P2RY8: variants seen among roughly 807,000 people sequenced by gnomAD.
P2RY8 encodes the protein S-geranylgeranyl-glutathione receptor P2RY8.
P2RY8 carries 6 observed loss-of-function variants against 10.0 expected under a neutral mutation model. The observed-to-expected ratio is 0.60, with a 90% CI of 0.33 to 1.19. P2RY8 has a LOEUF of 1.19. Ranked by LOEUF, P2RY8 falls within the 50% of genes most tolerant of loss-of-function variation. The pLI, the probability that P2RY8 is intolerant of heterozygous loss-of-function variation, is 0.04. For synonymous variants in P2RY8, 276 were observed against 252.5 expected, an observed-to-expected ratio of 1.09 and a Z score of -0.88; for missense variants, 456 against 542.0, an observed-to-expected ratio of 0.84 and a Z score of 1.58.
At chrX:1,520,651 T>C (rs775129849) in intron 1 of P2RY8, among the ~76,000 whole-genome samples, 1 of 151,678 alleles carries the variant, frequency 6.6e-6, no homozygotes, top group South Asian at 2.1e-4. Flanking sequence ...CTGATCCCAA[T>C]ATTCTCTCTG....
intron 1 of P2RY8, among the ~76,000 whole-genome samples, chrX:1,505,617 C>T (rs2092225099): frequency 6.6e-6 from 1 of 152,108 alleles, no homozygotes; most frequent in African/African-American, 2.4e-5. Flanking sequence ...TGGTGAAACT[C>T]CATCTCTACT....
intron 1 of P2RY8, among the ~76,000 whole-genome samples, chrX:1,500,457 T>G (rs2092166665): frequency 6.6e-6 from 1 of 150,804 alleles, no homozygotes; most frequent in African/African-American, 2.4e-5. Context: ...TTTTTTTTTG[T>G]TTTTTGAGAC....
At chrX:1,485,058 G>T (rs766956083) in intron 1 of P2RY8, among the ~76,000 whole-genome samples, 1 of 134,394 alleles carries the variant, frequency 7.4e-6, no homozygotes, top group South Asian at 2.4e-4. Flanking sequence ...CCAAGTCCTA[G>T]ACTCAAGAAA....
rs770290247 is a variant in P2RY8 at position 1,464,311 on chromosome X, G to T, written c.*1168C>A. ...GTTGGGGCTGGTGCAGGCACATGCC[G>T]TGTAGAAGAAGACAGACAAAGACCC... On this transcript the variant is annotated 3_prime_UTR_variant, in exon 2 of 2. Coordinates refer to ENST00000381297, the MANE Select transcript of P2RY8 (RefSeq NM_178129.5). The T allele has an allele frequency of 4.3e-6, 1 of 233,528 alleles. No homozygotes were observed. The highest frequency in any genetic ancestry group is 2.2e-5 in the African/African-American group (1 of 45,492). The allele number at this position is 233,528 out of a possible 1,614,324, so 14.5% of individuals were successfully genotyped here. A position where few individuals can be genotyped will look rare whatever the true frequency, so the allele number is the denominator to read the frequency against.
intron 1 of P2RY8, among the ~76,000 whole-genome samples, chrX:1,470,140 C>T (rs1209169625): frequency 1.3e-5 from 2 of 152,030 alleles, no homozygotes; most frequent in African/African-American, 4.8e-5. Flanking sequence ...AGGTGGATCA[C>T]CTGAGGTCAG....
chrX:1,535,264 C>T (rs2092515596), intron 1 of P2RY8, among the ~76,000 whole-genome samples: 1 of 143,102 alleles, frequency 7.0e-6, no homozygotes, highest in Non-Finnish European at 1.5e-5. Flanking sequence ...CTTGGCTCAC[C>T]GCAACCTCCG....
intron 1 of P2RY8, among the ~76,000 whole-genome samples, chrX:1,491,441 G>A (rs1206122040): frequency 6.6e-6 from 1 of 152,228 alleles, no homozygotes; most frequent in Non-Finnish European, 1.5e-5. Context: ...GGACTTGCTT[G>A]ATAAACGAAT....
chrX:1,527,633 T>C (rs1158910068), intron 1 of P2RY8, among the ~76,000 whole-genome samples: 1 of 151,986 alleles, frequency 6.6e-6, no homozygotes, highest in Non-Finnish European at 1.5e-5. Context: ...CATCTACTCA[T>C]TCATTCATCC....
intron 1 of P2RY8, among the ~76,000 whole-genome samples, chrX:1,473,947 ATGG>A (rs2091838025): frequency 7.0e-6 from 1 of 143,684 alleles, no homozygotes; most frequent in African/African-American, 2.6e-5. Flanking sequence ...GGGTGGGTGG[ATGG>A]ATGGGTGGAT....
rs1448905013 is a variant in P2RY8, at chrX:1,518,120, A to T, written c.-25+18801T>A. Among the ~76,000 whole-genome samples the T allele has an allele frequency of 0.022, 48 of 2,140 alleles. 2 individuals carry two copies. In the East Asian group the frequency reaches 0.75, roughly 33 times the overall value. The allele number at this position is 2,140 out of a possible 152,430, so 1.4% of individuals were successfully genotyped here. On this transcript the variant is annotated intron_variant, in intron 1 of 1. Coordinates refer to ENST00000381297, the MANE Select transcript of P2RY8 (RefSeq NM_178129.5). ...GCGAAACTCCATCTCAAAAAAAAAT[A>T]AAAAAATAAATAAAAATAATCTTGG...
intron 1 of P2RY8, among the ~76,000 whole-genome samples, chrX:1,505,987 C>CTTTTT (rs542485545): frequency 9.2e-5 from 10 of 108,820 alleles, no homozygotes; most frequent in African/African-American, 3.2e-4. Context: ...TTTCTTTCTT[C>CTTTTT]TTTTTTTTTT....
At chrX:1,480,993 G>A (rs1282163960) in intron 1 of P2RY8, among the ~76,000 whole-genome samples, 1 of 151,756 alleles carries the variant, frequency 6.6e-6, no homozygotes, top group African/African-American at 2.4e-5. Context: ...ACTCCATGTC[G>A]TAGCTCATCA....
intron 1 of P2RY8, among the ~76,000 whole-genome samples, chrX:1,509,625 G>A (rs1308380678): frequency 7.5e-6 from 1 of 132,908 alleles, no homozygotes; most frequent in Non-Finnish European, 1.5e-5. Context: ...TATCATGTAT[G>A]TATCTATCCA....
intron 1 of P2RY8, among the ~76,000 whole-genome samples, chrX:1,523,115 A>AAATAAATAAATAAAT (rs1320486411): frequency 5.9e-4 from 89 of 150,994 alleles, no homozygotes; most frequent in African/African-American, 2.0e-3. Context: ...ATAAATAAAT[A>AAATAAATAAATAAAT]AATAAAACAA....
chrX:1,535,716 GACACACACACAGACACACACAC>G (rs2092520381), intron 1 of P2RY8, among the ~76,000 whole-genome samples: 1 of 146,200 alleles, frequency 6.8e-6, no homozygotes, highest in East Asian at 2.0e-4. Flanking sequence ...CACACACACA[GACACACACACAGACACACACAC>G]ACACACACAC....
At chrX:1,467,887 C>T (rs2091712732) in intron 1 of P2RY8, among the ~76,000 whole-genome samples, 1 of 152,156 alleles carries the variant, frequency 6.6e-6, no homozygotes, top group Admixed American at 6.5e-5. Context: ...CTATGTTTCC[C>T]AGGCTGGTCT....
chrX:1,478,246 C>CGTGTGT (rs1389734508), intron 1 of P2RY8, among the ~76,000 whole-genome samples: 1 of 141,166 alleles, frequency 7.1e-6, no homozygotes. Context: ...TGCTGGCAGG[C>CGTGTGT]GTATGTGTGT....
intron 1 of P2RY8, among the ~76,000 whole-genome samples, chrX:1,490,737 T>C (rs1474812353): frequency 6.7e-6 from 1 of 149,152 alleles, no homozygotes; most frequent in East Asian, 2.0e-4. Context: ...CCCACAAATG[T>C]GGGGGGAATG....
intron 1 of P2RY8, among the ~76,000 whole-genome samples, chrX:1,535,310 G>A (rs2092515947): frequency 6.8e-6 from 1 of 148,000 alleles, no homozygotes. Context: ...GCCTTAGCGT[G>A]CCGAGTAACT....
Sources: gnomAD v4.1 joint callset for allele counts (sites outside exome capture counted in the v4.1 genomes callset) on GRCh38, gnomAD v4.1.1 for gene constraint, MANE v1.5 for transcripts, NCBI Gene and HGNC (gene_info 2026-07-23, HGNC 2026-07-21) for gene names.